The following ARFGEF3 variants were observed in gnomAD, a reference collection of about 807,000 sequenced individuals.
The protein encoded by ARFGEF3 is brefeldin A-inhibited guanine nucleotide-exchange protein 3.
In ARFGEF3, 96 loss-of-function variants were observed where a neutral mutation model predicts 221.7. The ratio of observed to expected loss-of-function variants is 0.43; its 90% CI spans 0.37 to 0.51. The LOEUF is 0.51. ARFGEF3 is among the 20% of genes least tolerant of loss of function. The pLI, the probability that ARFGEF3 is intolerant of heterozygous loss-of-function variation, is 0.00. For missense variants in ARFGEF3, 2,410 were observed against 2,789.9 expected, an observed-to-expected ratio of 0.86 and a Z score of 3.07; for synonymous variants, 1,145 against 1,126.8, an observed-to-expected ratio of 1.02 and a Z score of -0.32.
At chr6:138,253,683 T>C (rs1778620489) in intron 8 of ARFGEF3, among the ~76,000 whole-genome samples, 197 bp from the exon 9 acceptor site, 2 of 152,342 alleles carry the variant, frequency 1.3e-5, no homozygotes, top group East Asian at 1.9e-4. Context: ...TAAAGTCACA[T>C]TCGGAGGTGC....
At chr6:138,326,431 A>G (rs1780127458) in intron 31 of ARFGEF3, among the ~76,000 whole-genome samples, 1 of 152,196 alleles carries the variant, frequency 6.6e-6, no homozygotes, top group African/African-American at 2.4e-5. Flanking sequence ...ATTTACAAGG[A>G]GAAAACAACT....
At chr6:138,176,526 A>G (rs1400954168) in intron 2 of ARFGEF3, among the ~76,000 whole-genome samples, 1 of 152,110 alleles carries the variant, frequency 6.6e-6, no homozygotes, top group Non-Finnish European at 1.5e-5. Context: ...ATATATTTTA[A>G]GTGGAGCATT....
At chr6:138,273,882 A>G (rs147041535) in intron 12 of ARFGEF3, among the ~76,000 whole-genome samples, 1 of 152,370 alleles carries the variant, frequency 6.6e-6, no homozygotes, top group African/African-American at 2.4e-5. Context: ...GTTTTCTTTA[A>G]GTTGACAAAA....
intron 24 of ARFGEF3, 62 bp downstream of exon 24, chr6:138,308,923 TGGCTGGAGACAG>T (rs1779776070): frequency 6.2e-6 from 10 of 1,602,684 alleles, no homozygotes; most frequent in Admixed American, 1.7e-5. Context: ...GGTGGCTCTG[TGGCTGGAGACAG>T]GGCCTACTGA....
rs1171492163 is a variant in ARFGEF3 at position 138,343,492 on chromosome 6, A to G, written c.*7006A>G. 4.6e-5 allele frequency: 7 copies of G among 151,504 alleles called. No homozygotes were observed. Among genetic ancestry groups the G allele is most frequent in the African/African-American group, 9.7e-5 (4 of 41,236 alleles). The allele number at this position is 151,504 out of a possible 1,614,324, so 9.4% of individuals were successfully genotyped here. A position where few individuals can be genotyped will look rare whatever the true frequency, so the allele number is the denominator to read the frequency against. ...GGTTTTTTTTTTACTTTAGTTTCCC[A>G]TAATTTTTGGAAATTATGTGTGCAT... On this transcript the variant is annotated 3_prime_UTR_variant, in exon 34 of 34. Transcript: ENST00000251691.
chr6:138,326,082 C>T (rs1381587976), intron 31 of ARFGEF3, among the ~76,000 whole-genome samples: 1 of 152,076 alleles, frequency 6.6e-6, no homozygotes, highest in Non-Finnish European at 1.5e-5. Flanking sequence ...GTCTCAAACT[C>T]CAGACCTCAA....
chr6:138,265,537 T>C (rs1327536079), intron 12 of ARFGEF3, among the ~76,000 whole-genome samples: 1 of 152,202 alleles, frequency 6.6e-6, no homozygotes, highest in Non-Finnish European at 1.5e-5. Flanking sequence ...ATTATTTTTC[T>C]CCCTAAGATC....
chr6:138,209,952 T>G lies in ARFGEF3; in HGVS notation c.262T>G (p.Ser88Ala), dbSNP rs1444887562. The G allele has an allele frequency of 1.2e-6, 2 of 1,613,890 alleles. No homozygotes were observed. The highest frequency in any genetic ancestry group is 1.7e-5 in the Admixed American group (1 of 60,024). The change falls in exon 4 of 34, where the codon TCT becomes GCT. Residue 88 changes from serine (S) to alanine (A), a missense_variant. Physicochemically the swap from Ser to Ala is moderately conservative, Grantham distance 99 (BLOSUM62 1). This residue lies in a region of ARFGEF3 where 570 missense variants were observed against 586.9 expected (regional missense o/e 0.97). Transcript: ENST00000251691. ...EERFVSMETDSDEKQLLNQIL... is the reference protein window; with the variant it reads ...EERFVSMETDADEKQLLNQIL... ...GAGGTTTGTATCCATGGAAACAGAT[T>G]CTGATGAGAAGCAGCTGCTCAATCA...
intron 2 of ARFGEF3, among the ~76,000 whole-genome samples, chr6:138,183,258 G>A (rs1285127456): frequency 6.6e-6 from 1 of 152,114 alleles, no homozygotes; most frequent in African/African-American, 2.4e-5. Context: ...AGCTGTATGT[G>A]GAAGACAAGG....
At chr6:138,333,614 T>C (rs1780264036) in intron 32 of ARFGEF3, among the ~76,000 whole-genome samples, 1 of 152,088 alleles carries the variant, frequency 6.6e-6, no homozygotes, top group Non-Finnish European at 1.5e-5. Context: ...GGCTAATTTT[T>C]TGTATTTTTA....
chr6:138,282,602 C>T lies in ARFGEF3; in HGVS notation c.2461+2438C>T, dbSNP rs529581155. Among the ~76,000 whole-genome samples the T allele has an allele frequency of 3.3e-5, 5 of 152,250 alleles. No individual in the cohort carries two copies. The East Asian group carries it at 9.7e-4, about 29-fold the overall frequency. ...GAGGTCTGTCCATGGGTGGCAGAGT[C>T]CTCATCATTGATTGGCATTTGGAGT... is the stretch of plus-strand genomic sequence containing the variant. On this transcript the variant is annotated intron_variant, in intron 14 of 33. Transcript: ENST00000251691.
chr6:138,255,471 G>A lies in ARFGEF3; in HGVS notation c.806G>A (p.Gly269Glu), dbSNP rs775333378. 1 of 1,610,970 alleles carries A rather than the reference G, an allele frequency of 6.2e-7. No homozygotes were observed. Among genetic ancestry groups the A allele is most frequent in the Non-Finnish European group, 8.5e-7 (1 of 1,177,432 alleles). ...NLCPALIVILGNPIHDKTITS... is the reference protein window; with the variant it reads ...NLCPALIVILENPIHDKTITS... The stretch of plus-strand genomic sequence containing the variant: ...TGCCCTGCTCTCATCGTGATCTTGG[G>A]GAATCCAATTCATGACAAAACCATC... The change falls in exon 10 of 34, where the codon GGG becomes GAG. Residue 269 changes from glycine (G) to glutamate (E), a missense_variant. Transcript: ENST00000251691.
rs1293796751 is a variant in ARFGEF3 at position 138,291,914 on chromosome 6, C to T, written c.3229C>T (p.Pro1077Ser). 2.0e-6 allele frequency: 3 copies of T among 1,490,558 alleles called. No individual in the cohort carries two copies. Among genetic ancestry groups the T allele is most frequent in the Admixed American group, 2.3e-5 (1 of 43,218 alleles). 92.3% of individuals were successfully genotyped at this position (1,490,558 alleles called of 1,614,324 possible). A position where few individuals can be genotyped will look rare whatever the true frequency, so the allele number is the denominator to read the frequency against. Residue 1077 changes from proline (P) to serine (S), a missense_variant, in exon 19 of 34, where the codon CCT (proline) becomes TCT (serine). Pro to Ser is a moderately conservative substitution (Grantham distance 74, BLOSUM62 -1). Transcript: ENST00000251691. This position sits in a 1 kb window ranked among gnomAD's most constrained non-coding sequence, Gnocchi z 4.5. The stretch of plus-strand genomic sequence containing the variant: ...GCAGGGGCGCTCCCTGAGCACGGCC[C>T]CTGTCGTCCAGCCCCTGTCCATCCA... ...PEQGRSLSTA[P>S]VVQPLSIQDL...
chr6:138,317,156 A>G, intron 26 of ARFGEF3, 95 bp from the exon 27 acceptor site: 1 of 1,347,140 alleles, frequency 7.4e-7, no homozygotes, highest in East Asian at 2.3e-5. Flanking sequence ...TCTGTATAGC[A>G]CTTGGCAGTT....
chr6:138,266,450 G>T (rs1359243190), intron 12 of ARFGEF3, among the ~76,000 whole-genome samples: 4 of 152,050 alleles, frequency 2.6e-5, no homozygotes, highest in Non-Finnish European at 4.4e-5. Context: ...TGTTGTTCTG[G>T]CTGGTCTCAA....
intron 10 of ARFGEF3, among the ~76,000 whole-genome samples, chr6:138,258,337 T>G (rs1366835662): frequency 6.6e-6 from 1 of 152,232 alleles, no homozygotes; most frequent in Non-Finnish European, 1.5e-5. Flanking sequence ...CCACTTCACA[T>G]TAGCTTATTT....
In ARFGEF3 at chr6:138,217,980, C is replaced by T. The variant is rs1391736506; in HGVS notation, c.351+7939C>T. 2.5e-6 allele frequency: 4 copies of T among 1,595,954 alleles called. No homozygotes were observed. In the Admixed American group the frequency reaches 5.1e-5, roughly 20 times the overall value. Reference sequence around the variant, plus strand: ...TTTCTGGAAAGGCTTTGCAGCAGGGCTGAGAGTTTATATGATCTGTGGATG... The same window carrying T: ...TTTCTGGAAAGGCTTTGCAGCAGGGTTGAGAGTTTATATGATCTGTGGATG... On this transcript the variant is annotated intron_variant, in intron 4 of 33. Transcript: ENST00000251691.
intron 5 of ARFGEF3, among the ~76,000 whole-genome samples, chr6:138,231,940 G>T (rs1207468567): frequency 1.3e-5 from 2 of 152,164 alleles, no homozygotes; most frequent in Non-Finnish European, 2.9e-5. Flanking sequence ...AAAGTTCTTA[G>T]AACAGCATCC....
At chr6:138,215,836 G>A (rs1474972701) in intron 4 of ARFGEF3, 1 of 136,278 alleles carries the variant, frequency 7.3e-6, no homozygotes, top group African/African-American at 2.8e-5. Flanking sequence ...TTAGCTAATC[G>A]GTCTGGTGTG....
Sources: allele counts gnomAD v4.1 joint callset (sites outside exome capture counted in the v4.1 genomes callset), GRCh38; gene constraint gnomAD v4.1.1; regional missense constraint gnomAD v4.1.1; non-coding constraint Gnocchi (gnomAD v3.1); transcripts MANE v1.5; gene names NCBI Gene and HGNC (gene_info 2026-07-23, HGNC 2026-07-21).